Variants in BMPR1B observed in about 807,000 individuals in gnomAD.
BMPR1B encodes the protein bone morphogenetic protein receptor type 1B.
BMPR1B carries 12 observed loss-of-function variants against 59.1 expected under a neutral mutation model. The observed-to-expected ratio is 0.20, with a 90% CI of 0.13 to 0.33. BMPR1B has a LOEUF of 0.33. Among genes scored for constraint, BMPR1B ranks in the 10% least tolerant of loss-of-function variants. BMPR1B has a pLI of 1.00. For missense variants in BMPR1B, 550 were observed against 610.9 expected, an observed-to-expected ratio of 0.90 and a Z score of 1.05; for synonymous variants, 237 against 207.3, an observed-to-expected ratio of 1.14 and a Z score of -1.23.
intron 2 of BMPR1B, among the ~76,000 whole-genome samples, chr4:94,952,207 C>T (rs368439766): frequency 2.0e-5 from 3 of 152,180 alleles, no homozygotes; most frequent in African/African-American, 7.2e-5. Context: ...TTCAAAACAC[C>T]AGCTCCTGGA....
chr4:95,125,167 A>G (rs184331642), intron 8 of BMPR1B, 46 bp downstream of exon 8: 12 of 1,608,152 alleles, frequency 7.5e-6, no homozygotes, highest in Middle Eastern at 1.7e-4. Context: ...GTTTTCTGAA[A>G]GAACTGTCAA....
intron 2 of BMPR1B, among the ~76,000 whole-genome samples, chr4:94,931,570 C>T (rs1009747329): frequency 3.3e-5 from 5 of 152,048 alleles, no homozygotes; most frequent in Admixed American, 6.6e-5. Context: ...TCAATTATAT[C>T]AGCTGCTTTT....
intron 10 of BMPR1B, among the ~76,000 whole-genome samples, chr4:95,138,888 G>A (rs138411880): frequency 2.6e-4 from 40 of 152,286 alleles, no homozygotes; most frequent in African/African-American, 7.9e-4. Context: ...TGTTAATGCC[G>A]ATTGTCTGAA....
chr4:94,851,666 T>C (rs988170405), intron 1 of BMPR1B, among the ~76,000 whole-genome samples: 3 of 138,254 alleles, frequency 2.2e-5, no homozygotes, highest in African/African-American at 8.6e-5. Context: ...TTTTATCTTA[T>C]AATATTTATT....
intron 3 of BMPR1B, among the ~76,000 whole-genome samples, chr4:95,020,683 CCAAT>C (rs1157453088): frequency 7.2e-4 from 109 of 151,768 alleles, no homozygotes; most frequent in African/African-American, 2.5e-3. Flanking sequence ...TGGTGAAACA[CCAAT>C]TTATTTTTAT....
At chr4:95,030,035 G>T (rs1221356610) in intron 3 of BMPR1B, among the ~76,000 whole-genome samples, 10 of 151,374 alleles carry the variant, frequency 6.6e-5, no homozygotes, top group African/African-American at 2.2e-4. Flanking sequence ...CAGATGAGTA[G>T]GTTGCAAAAA....
chr4:94,808,408 A>G (rs529272122), intron 1 of BMPR1B, among the ~76,000 whole-genome samples: 7 of 152,320 alleles, frequency 4.6e-5, no homozygotes, highest in Non-Finnish European at 8.8e-5. Flanking sequence ...TTTAATTTTA[A>G]TGGCTACTGA....
At chr4:94,869,458 G>A (rs147831567) in intron 1 of BMPR1B, among the ~76,000 whole-genome samples, 321 of 152,158 alleles carry the variant, frequency 2.1e-3, no homozygotes, top group African/African-American at 6.6e-3. Flanking sequence ...AAGTGTATAT[G>A]GCCAGCTCTT....
At chr4:94,944,713 G>A (rs1729644869) in intron 2 of BMPR1B, among the ~76,000 whole-genome samples, 1 of 152,134 alleles carries the variant, frequency 6.6e-6, no homozygotes, top group African/African-American at 2.4e-5. Context: ...ACTATGGAGA[G>A]GACCTAATTA....
At chr4:95,139,360 T>C (rs1734044526) in intron 10 of BMPR1B, among the ~76,000 whole-genome samples, 2 of 152,100 alleles carry the variant, frequency 1.3e-5, no homozygotes, top group African/African-American at 4.8e-5. Context: ...TACTCAGGAG[T>C]CAGGGACCCA....
At chr4:95,092,824 T>C (rs1245347127) in intron 3 of BMPR1B, among the ~76,000 whole-genome samples, 2 of 152,132 alleles carry the variant, frequency 1.3e-5, no homozygotes, top group African/African-American at 4.8e-5. Flanking sequence ...AATAGTTTTA[T>C]ACACTAGGCT....
chr4:95,042,265 C>T lies in BMPR1B; in HGVS notation c.-18+46131C>T, dbSNP rs187244937. ...CATAATTTTTACTGTTAGGTACCTA[C>T]GTGTGAATAAGTGGGAGAAAATGAT... On this transcript the variant is annotated intron_variant, in intron 3 of 12. Coordinates refer to ENST00000515059, the MANE Select transcript of BMPR1B (RefSeq NM_001203.3). Among the ~76,000 whole-genome samples, 101 of 152,200 alleles carry T rather than the reference C, an allele frequency of 6.6e-4. 3 individuals carry two copies. The highest frequency in any genetic ancestry group is 2.2e-3 in the African/African-American group (90 of 41,536).
intron 3 of BMPR1B, among the ~76,000 whole-genome samples, chr4:95,075,333 C>T (rs983203511): frequency 3.9e-5 from 6 of 152,180 alleles, no homozygotes; most frequent in Admixed American, 3.9e-4. Flanking sequence ...AAAGTGACTG[C>T]TATACTTATG....
chr4:94,922,800 C>G (rs896073948), intron 2 of BMPR1B, among the ~76,000 whole-genome samples: 2 of 152,128 alleles, frequency 1.3e-5, no homozygotes, highest in African/African-American at 4.8e-5. Flanking sequence ...ACCTAATACT[C>G]TTTATTTAGA....
chr4:94,974,234 G>A (rs556108294), intron 2 of BMPR1B, among the ~76,000 whole-genome samples: 19 of 151,936 alleles, frequency 1.3e-4, no homozygotes, highest in African/African-American at 3.9e-4. Flanking sequence ...CAATTTATAC[G>A]TGCTCTTTGT....
At position 95,103,466 on chromosome 4, in the gene BMPR1B, C is replaced by T. The variant is rs527934211; in HGVS notation, c.-17-942C>T. ...AAACTGCTCACGGTGACAATTTATG[C>T]AGTTACATGGCATGTATAAGAGCTC... On this transcript the variant is annotated intron_variant, in intron 3 of 12. Coordinates refer to ENST00000515059, the MANE Select transcript of BMPR1B (RefSeq NM_001203.3). The T allele has an allele frequency of 2.6e-4, 257 of 985,280 alleles. No individual in the cohort carries two copies. In the Middle Eastern group the frequency reaches 8.9e-3, roughly 34 times the overall value. The allele number at this position is 985,280 out of a possible 1,614,324, so 61.0% of individuals were successfully genotyped here.
At chr4:94,786,006 C>T (rs1169807035) in intron 1 of BMPR1B, among the ~76,000 whole-genome samples, 1 of 152,208 alleles carries the variant, frequency 6.6e-6, no homozygotes, top group East Asian at 1.9e-4. Flanking sequence ...TCACTCACTA[C>T]TTCTAGGCTG....
chr4:94,881,712 G>A (rs959728617), intron 2 of BMPR1B, among the ~76,000 whole-genome samples: 2 of 151,978 alleles, frequency 1.3e-5, no homozygotes, highest in East Asian at 1.9e-4. Flanking sequence ...TGATTCTCCC[G>A]CCTTGGTCTC....
At chr4:94,972,557 T>C (rs1578866790) in intron 2 of BMPR1B, among the ~76,000 whole-genome samples, 1 of 152,266 alleles carries the variant, frequency 6.6e-6, no homozygotes, top group East Asian at 1.9e-4. Context: ...CTTGAACTTA[T>C]CTCAGGTTTC....
Sources: allele counts gnomAD v4.1 joint callset (sites outside exome capture counted in the v4.1 genomes callset), GRCh38; gene constraint gnomAD v4.1.1; transcripts MANE v1.5; gene names NCBI Gene and HGNC (gene_info 2026-07-23, HGNC 2026-07-21).